The following ADAM32 variants were observed in gnomAD, a reference collection of about 807,000 sequenced individuals.
ADAM32 encodes the protein ADAM metallopeptidase domain 32, also known as disintegrin and metalloproteinase domain-containing protein 32.
A neutral mutation model predicts 114.9 loss-of-function variants in ADAM32; 89 were observed. The observed-to-expected ratio is 0.77, with a 90% CI of 0.65 to 0.92. The LOEUF is 0.92. Ranked by LOEUF, ADAM32 falls within the 40% of genes least tolerant of loss-of-function variation. The pLI is 0.00. For missense variants in ADAM32, 870 were observed against 932.8 expected (o/e 0.93, Z 0.88); for synonymous variants, 285 against 307.5 (o/e 0.93, Z 0.77).
intron 1 of ADAM32, among the ~76,000 whole-genome samples, chr8:39,109,268 G>A (rs990347751): frequency 3.9e-5 from 6 of 152,182 alleles, no homozygotes; most frequent in Non-Finnish European, 5.9e-5. Context: ...ACGGCCAGGC[G>A]TGGTGGCTCA....
At chr8:39,240,279 A>C (rs974173792) in intron 16 of ADAM32, among the ~76,000 whole-genome samples, 1 of 152,208 alleles carries the variant, frequency 6.6e-6, no homozygotes, top group Non-Finnish European at 1.5e-5. Flanking sequence ...AGAAACCCTC[A>C]AAACCATCCA....
At chr8:39,246,605 A>G (rs1162005150) in intron 17 of ADAM32, among the ~76,000 whole-genome samples, 3 of 152,336 alleles carry the variant, frequency 2.0e-5, no homozygotes, top group East Asian at 3.9e-4. Context: ...GAGATTTTCC[A>G]TATATCCACT....
At chr8:39,154,033 C>CATATATATAT (rs59934573) in intron 6 of ADAM32, among the ~76,000 whole-genome samples, 4,469 of 139,216 alleles carry the variant, frequency 0.032, 110 homozygotes, top group South Asian at 0.058. Context: ...GAAAGTTCCT[C>CATATATATAT]ATATATATAT....
intron 10 of ADAM32, among the ~76,000 whole-genome samples, chr8:39,183,393 CT>C (rs1806034523): frequency 1.3e-5 from 2 of 152,204 alleles, no homozygotes; most frequent in Admixed American, 6.5e-5. Context: ...TAATTCACCC[CT>C]ACCATACCAG....
chr8:39,165,119 T>A lies in ADAM32; in HGVS notation c.756T>A (p.Asp252Glu). The A allele has an allele frequency of 6.2e-7, 1 of 1,608,568 alleles. No individual in the cohort carries two copies. Among genetic ancestry groups the A allele is most frequent in the Non-Finnish European group, 8.5e-7 (1 of 1,176,000 alleles). The change falls in exon 9 of 25, where the codon GAT (aspartate) becomes GAA (glutamate). Residue 252 changes from aspartate to glutamate, a missense_variant. Asp to Glu is a conservative substitution (Grantham distance 45). Coordinates refer to ENST00000379907, the MANE Select transcript of ADAM32 (RefSeq NM_145004.7). Reference sequence around the variant, plus strand: ...AGATTTCTACAGTTGGTGAGGCAGATGAATTATTGCAAAAATTTTTAGAAT... The same window carrying A: ...AGATTTCTACAGTTGGTGAGGCAGAAGAATTATTGCAAAAATTTTTAGAAT... Reference protein sequence around the residue: ...ENKISTVGEADELLQKFLEWK... With the variant: ...ENKISTVGEAEELLQKFLEWK...
chr8:39,273,769 A>T (rs1163281070), intron 20 of ADAM32, among the ~76,000 whole-genome samples: 1 of 151,234 alleles, frequency 6.6e-6, no homozygotes, highest in African/African-American at 2.4e-5. Flanking sequence ...CCTTGCTGTG[A>T]GCTTCAGTTG....
chr8:39,247,429 T>G (rs1262740120), intron 17 of ADAM32, among the ~76,000 whole-genome samples: 4 of 152,212 alleles, frequency 2.6e-5, no homozygotes, highest in African/African-American at 9.6e-5. Flanking sequence ...ATTGCTGTTT[T>G]AATTTGCATT....
intron 15 of ADAM32, among the ~76,000 whole-genome samples, chr8:39,232,936 A>T (rs1256307663): frequency 3.3e-5 from 5 of 152,184 alleles, no homozygotes; most frequent in African/African-American, 1.2e-4. Flanking sequence ...TAGACTGTAA[A>T]GTCCTTAGAG....
At chr8:39,254,862 A>G (rs1181247499) in intron 18 of ADAM32, among the ~76,000 whole-genome samples, 1 of 151,388 alleles carries the variant, frequency 6.6e-6, no homozygotes, top group African/African-American at 2.4e-5. Context: ...TACCTCACCT[A>G]CTCCTATCCT....
At chr8:39,225,189 C>T (rs187789907) in intron 14 of ADAM32, among the ~76,000 whole-genome samples, 266 of 152,302 alleles carry the variant, frequency 1.7e-3, no homozygotes, top group African/African-American at 5.6e-3. Context: ...GGAGCTGTGG[C>T]TCTTGTCTGC....
At chr8:39,261,666 C>T (rs891913556) in intron 19 of ADAM32, among the ~76,000 whole-genome samples, 1 of 152,068 alleles carries the variant, frequency 6.6e-6, no homozygotes, top group African/African-American at 2.4e-5. Flanking sequence ...AGTTTATATT[C>T]CCATCAACAG....
intron 12 of ADAM32, among the ~76,000 whole-genome samples, chr8:39,212,793 T>A (rs369757497): frequency 6.6e-6 from 1 of 152,322 alleles, no homozygotes; most frequent in African/African-American, 2.4e-5. Flanking sequence ...GGTCATATGA[T>A]ATGTGTATGT....
chr8:39,241,043 G>A (rs889102584), intron 16 of ADAM32, among the ~76,000 whole-genome samples: 3 of 152,202 alleles, frequency 2.0e-5, no homozygotes, highest in Admixed American at 2.0e-4. Flanking sequence ...GATAAATACA[G>A]CCATTCCAAA....
At chr8:39,247,380 T>C (rs1284064981) in intron 17 of ADAM32, among the ~76,000 whole-genome samples, 1 of 152,200 alleles carries the variant, frequency 6.6e-6, no homozygotes, top group African/African-American at 2.4e-5. Context: ...GTCAGTGTTT[T>C]GGATTTTGGC....
chr8:39,229,853 A>T (rs1022289483), intron 14 of ADAM32, among the ~76,000 whole-genome samples: 5 of 152,184 alleles, frequency 3.3e-5, no homozygotes, highest in Non-Finnish European at 2.9e-5. Context: ...GACTTAACAG[A>T]TATATACAGA....
At chr8:39,211,029 A>T (rs893241669) in intron 11 of ADAM32, 115 bp from the exon 12 acceptor site, 6 of 940,644 alleles carry the variant, frequency 6.4e-6, no homozygotes, top group Non-Finnish European at 7.2e-6. Context: ...CTAAGCACTT[A>T]TTATAAACAT....
chr8:39,123,605 C>T (rs1199615419), intron 2 of ADAM32, among the ~76,000 whole-genome samples: 1 of 151,436 alleles, frequency 6.6e-6, no homozygotes, highest in African/African-American at 2.4e-5. Context: ...GAGAATTGCT[C>T]TTTTTACAAT....
At chr8:39,264,896 T>C (rs1812261631) in intron 19 of ADAM32, among the ~76,000 whole-genome samples, 1 of 152,162 alleles carries the variant, frequency 6.6e-6, no homozygotes, top group Non-Finnish European at 1.5e-5. Flanking sequence ...TTTATTGCAC[T>C]GTGGTCTGAG....
intron 12 of ADAM32, among the ~76,000 whole-genome samples, chr8:39,220,312 C>T (rs1463235578): frequency 6.6e-6 from 1 of 152,122 alleles, no homozygotes; most frequent in African/African-American, 2.4e-5. Context: ...CAACCCTTTA[C>T]TATTAGCCTA....
Sources: allele counts gnomAD v4.1 joint callset (sites outside exome capture counted in the v4.1 genomes callset), GRCh38; gene constraint gnomAD v4.1.1; transcripts MANE v1.5; gene names NCBI Gene and HGNC (gene_info 2026-07-23, HGNC 2026-07-21).